Variants in SLC31A1 observed in about 807,000 individuals in gnomAD.
SLC31A1 encodes the protein solute carrier family 31 member 1.
A neutral mutation model predicts 17.2 loss-of-function variants in SLC31A1; 5 were observed. That is an observed-to-expected ratio of 0.29 (90% CI 0.15 to 0.61). SLC31A1 has a LOEUF of 0.61. Ranked by LOEUF, SLC31A1 falls within the 20% of genes least tolerant of loss-of-function variation. The probability of loss-of-function intolerance (pLI) is 0.86; values close to 1 mark genes in which losing one functional copy is unlikely to be tolerated. For missense variants in SLC31A1, 161 were observed against 241.4 expected (o/e 0.67, Z 2.21); for synonymous variants, 76 against 78.8 (o/e 0.96, Z 0.19).
At chr9:113,236,097 C>T (rs1472798006) in intron 1 of SLC31A1, among the ~76,000 whole-genome samples, 3 of 152,126 alleles carry the variant, frequency 2.0e-5, no homozygotes, top group Admixed American at 6.5e-5. Context: ...AAGCAATTCT[C>T]GTGCCTCAGC....
intron 1 of SLC31A1, among the ~76,000 whole-genome samples, chr9:113,244,155 C>CAAAA (rs1200835310): frequency 4.4e-4 from 18 of 41,274 alleles, no homozygotes; most frequent in Admixed American, 1.1e-3. Context: ...AACTCCATCT[C>CAAAA]AAAAAAAAAA....
intron 2 of SLC31A1, 61 bp from the exon 3 acceptor site, chr9:113,257,052 C>T: frequency 1.5e-6 from 2 of 1,334,174 alleles, no homozygotes; most frequent in Non-Finnish European, 1.1e-6. Flanking sequence ...GCTTCTTTGC[C>T]CCAAATTCTC....
intron 3 of SLC31A1, 117 bp downstream of exon 3, chr9:113,257,302 G>A: frequency 1.1e-6 from 1 of 887,538 alleles, no homozygotes; most frequent in Non-Finnish European, 1.9e-6. Flanking sequence ...TGGTAATGAT[G>A]CATAACCATC....
intron 1 of SLC31A1, among the ~76,000 whole-genome samples, chr9:113,229,167 G>A (rs1831375413): frequency 6.6e-6 from 1 of 152,134 alleles, no homozygotes; most frequent in Admixed American, 6.5e-5. Context: ...TTTTTAAATA[G>A]GAAATATATT....
chr9:113,259,649 A>T (rs1440277251), intron 4 of SLC31A1, among the ~76,000 whole-genome samples: 1 of 136,724 alleles, frequency 7.3e-6, no homozygotes, highest in Non-Finnish European at 1.5e-5. Flanking sequence ...CAGTGGCACT[A>T]TCTTGGCTCA....
chr9:113,261,952 T>G lies in SLC31A1; in HGVS notation c.*1479T>G, dbSNP rs1398324869. ...CCACATTTATTGAGCTCCACCTGTG[T>G]GTATGTGTACCCAAGCACACATGTG... On this transcript the variant is annotated 3_prime_UTR_variant, in exon 5 of 5. Transcript: ENST00000374212. The G allele has an allele frequency of 6.6e-6, 1 of 152,664 alleles. No individual in the cohort carries two copies. Among genetic ancestry groups the G allele is most frequent in the Non-Finnish European group, 1.5e-5 (1 of 68,050 alleles). 9.5% of individuals were successfully genotyped at this position (152,664 alleles called of 1,614,324 possible).
At chr9:113,228,825 TAAAG>T (rs976805252) in intron 1 of SLC31A1, among the ~76,000 whole-genome samples, 4 of 152,112 alleles carry the variant, frequency 2.6e-5, no homozygotes, top group Non-Finnish European at 5.9e-5. Flanking sequence ...ATCTGTAAAA[TAAAG>T]GAGTTGGATT....
chr9:113,230,851 T>C (rs1030597170), intron 1 of SLC31A1, among the ~76,000 whole-genome samples: 6 of 152,286 alleles, frequency 3.9e-5, no homozygotes, highest in African/African-American at 1.4e-4. Context: ...TATAACCTAC[T>C]AACTTTTCTT....
At chr9:113,251,048 T>A (rs1055544539) in intron 1 of SLC31A1, among the ~76,000 whole-genome samples, 1 of 152,192 alleles carries the variant, frequency 6.6e-6, no homozygotes. Flanking sequence ...ATAAACCTCT[T>A]TTCTTTATAA....
chr9:113,262,732 A>C lies in SLC31A1; in HGVS notation c.*2259A>C, dbSNP rs1256423121. ...GAAGTCCAACACAAAGGTATAATAC[A>C]GCCTGTTGTCTAAAGCCAAGGAGTC... On this transcript the variant is annotated 3_prime_UTR_variant, in exon 5 of 5. Coordinates refer to ENST00000374212, the MANE Select transcript of SLC31A1 (RefSeq NM_001859.4). The C allele has an allele frequency of 6.6e-6, 1 of 152,666 alleles. No individual in the cohort carries two copies. 9.5% of individuals were successfully genotyped at this position (152,666 alleles called of 1,614,324 possible).
intron 1 of SLC31A1, among the ~76,000 whole-genome samples, chr9:113,231,797 GA>G (rs1055853306): frequency 5.9e-5 from 9 of 152,108 alleles, no homozygotes; most frequent in Admixed American, 3.9e-4. Context: ...GATTAGTGTT[GA>G]TTTTTTTTTA....
chr9:113,235,070 G>T (rs977500585), intron 1 of SLC31A1, among the ~76,000 whole-genome samples: 1 of 152,198 alleles, frequency 6.6e-6, no homozygotes, highest in Non-Finnish European at 1.5e-5. Context: ...CAGACTGGGA[G>T]AAGATATTTG....
In SLC31A1 at chr9:113,256,222, C is replaced by G; in HGVS notation, c.74C>G (p.Pro25Arg). ...ACCATGCAACCTTCTCACCATCACC[C>G]AACCACTTCAGCCTCACACTCCCAT... ...NSTMQPSHHHPTTSASHSHGG... is the reference protein window; with the variant it reads ...NSTMQPSHHHRTTSASHSHGG... The change falls in exon 2 of 5, where the codon CCA (proline) becomes CGA (arginine). Residue 25 changes from proline (P) to arginine (R), a missense_variant. Coordinates refer to ENST00000374212, the MANE Select transcript of SLC31A1 (RefSeq NM_001859.4). 6.2e-7 allele frequency: 1 copy of G among 1,613,676 alleles called. No homozygotes were observed. The highest frequency in any genetic ancestry group is 8.5e-7 in the Non-Finnish European group (1 of 1,180,016).
intron 1 of SLC31A1, among the ~76,000 whole-genome samples, chr9:113,241,414 A>G (rs1182719988): frequency 6.6e-6 from 1 of 152,208 alleles, no homozygotes; most frequent in Non-Finnish European, 1.5e-5. Flanking sequence ...CATCTTCTGT[A>G]TTTGGCTTGA....
chr9:113,221,945 G>A (rs1229842546), intron 1 of SLC31A1, among the ~76,000 whole-genome samples: 1 of 152,222 alleles, frequency 6.6e-6, no homozygotes, highest in Non-Finnish European at 1.5e-5. Flanking sequence ...TGGTCCAGAA[G>A]ATTTTAGAGC....
chr9:113,238,045 C>G (rs1831482356), intron 1 of SLC31A1, among the ~76,000 whole-genome samples: 1 of 152,208 alleles, frequency 6.6e-6, no homozygotes, highest in Non-Finnish European at 1.5e-5. Flanking sequence ...CTTTTCTCCC[C>G]TCTTTTTCCC....
At chr9:113,222,495 G>GT (rs1433006827) in intron 1 of SLC31A1, among the ~76,000 whole-genome samples, 1 of 152,192 alleles carries the variant, frequency 6.6e-6, no homozygotes, top group Non-Finnish European at 1.5e-5. Flanking sequence ...CTTAGACAAG[G>GT]TGTGGCTAAG....
chr9:113,248,530 T>C (rs1387774586), intron 1 of SLC31A1, among the ~76,000 whole-genome samples: 3 of 138,518 alleles, frequency 2.2e-5, no homozygotes, highest in Admixed American at 8.1e-5. Context: ...AGTGCAATGG[T>C]GCAGTCTCAG....
chr9:113,231,221 G>T (rs1025093520), intron 1 of SLC31A1, among the ~76,000 whole-genome samples: 1 of 152,014 alleles, frequency 6.6e-6, no homozygotes, highest in African/African-American at 2.4e-5. Flanking sequence ...AAGTAAATGC[G>T]CACACACACC....
Sources: allele counts gnomAD v4.1 joint callset (sites outside exome capture counted in the v4.1 genomes callset), GRCh38; gene constraint gnomAD v4.1.1; transcripts MANE v1.5; gene names NCBI Gene and HGNC (gene_info 2026-07-23, HGNC 2026-07-21).